HCN1: variants seen among roughly 807,000 people sequenced by gnomAD.
HCN1 encodes the protein hyperpolarization activated cyclic nucleotide gated potassium channel 1.
HCN1 carries 13 observed loss-of-function variants against 78.9 expected under a neutral mutation model. The observed-to-expected ratio is 0.16, with a 90% CI of 0.11 to 0.26. The LOEUF (loss-of-function observed/expected upper bound fraction) is 0.26, where lower values mean the gene tolerates loss of function less well. Ranked by LOEUF, HCN1 falls within the 10% of genes least tolerant of loss-of-function variation. HCN1 has a pLI of 1.00. For synonymous variants in HCN1, 552 were observed against 455.5 expected, an observed-to-expected ratio of 1.21 and a Z score of -2.70; for missense variants, 810 against 1,154.3, an observed-to-expected ratio of 0.70 and a Z score of 4.32.
chr5:45,348,754 C>G (rs985682390), intron 5 of HCN1, among the ~76,000 whole-genome samples: 3 of 152,034 alleles, frequency 2.0e-5, no homozygotes, highest in Non-Finnish European at 4.4e-5. Context: ...GTTAAACCAA[C>G]AAAGATCAAA....
At chr5:45,560,032 A>AT (rs945862241) in intron 2 of HCN1, 2 of 152,150 alleles carry the variant, frequency 1.3e-5, no homozygotes, top group African/African-American at 4.8e-5. Flanking sequence ...CCAATAAAGA[A>AT]TTTTTTAATT....
intron 5 of HCN1, among the ~76,000 whole-genome samples, chr5:45,319,688 G>A (rs897092471): frequency 6.7e-6 from 1 of 148,716 alleles, no homozygotes; most frequent in African/African-American, 2.5e-5. Flanking sequence ...TTGGTAATTT[G>A]TTTCCTGGTT....
At chr5:45,503,758 C>T (rs1482312874) in intron 2 of HCN1, among the ~76,000 whole-genome samples, 3 of 148,894 alleles carry the variant, frequency 2.0e-5, no homozygotes, top group African/African-American at 2.5e-5. Flanking sequence ...ATTCCCCCCT[C>T]CCCCCACGCC....
At chr5:45,285,376 C>T (rs193074537) in intron 6 of HCN1, among the ~76,000 whole-genome samples, 10 of 142,600 alleles carry the variant, frequency 7.0e-5, no homozygotes, top group South Asian at 6.9e-4. Flanking sequence ...ACATCCTCTG[C>T]GGCCTTTTCT....
intron 5 of HCN1, among the ~76,000 whole-genome samples, chr5:45,352,771 A>C (rs1209006210): frequency 1.3e-5 from 2 of 152,004 alleles, no homozygotes; most frequent in Non-Finnish European, 2.9e-5. Context: ...GATGGGAGGA[A>C]GAATAGGAAT....
intron 2 of HCN1, among the ~76,000 whole-genome samples, chr5:45,548,910 A>T (rs1743292249): frequency 6.6e-6 from 1 of 151,560 alleles, no homozygotes; most frequent in Non-Finnish European, 1.5e-5. Context: ...CTTCAAAGAG[A>T]ATAAAATACC....
At chr5:45,663,166 A>G (rs1261560650) in intron 1 of HCN1, among the ~76,000 whole-genome samples, 1 of 135,896 alleles carries the variant, frequency 7.4e-6, no homozygotes, top group African/African-American at 2.8e-5. Flanking sequence ...ATCTACAACT[A>G]TCTGATCTTT....
chr5:45,324,047 AT>A, intron 5 of HCN1, among the ~76,000 whole-genome samples: 1 of 151,720 alleles, frequency 6.6e-6, no homozygotes, highest in East Asian at 2.0e-4. Context: ...TTATAGCTGC[AT>A]GATTTATAAT....
At chr5:45,333,982 A>G (rs1172974872) in intron 5 of HCN1, among the ~76,000 whole-genome samples, 4 of 151,774 alleles carry the variant, frequency 2.6e-5, no homozygotes, top group Admixed American at 1.3e-4. Flanking sequence ...TTGACTTCTT[A>G]GTAATAATCA....
chr5:45,658,768 C>T (rs1381446948), intron 1 of HCN1, among the ~76,000 whole-genome samples: 6 of 152,052 alleles, frequency 3.9e-5, no homozygotes, highest in African/African-American at 9.7e-5. Context: ...CGGCGCACCA[C>T]GAGACTATAT....
At chr5:45,332,949 A>G (rs1039946388) in intron 5 of HCN1, among the ~76,000 whole-genome samples, 2 of 151,912 alleles carry the variant, frequency 1.3e-5, no homozygotes, top group Middle Eastern at 3.4e-3. Flanking sequence ...TGCAACAAAC[A>G]TGGAAGTGCA....
intron 4 of HCN1, among the ~76,000 whole-genome samples, chr5:45,374,127 T>C (rs1231583829): frequency 8.7e-6 from 1 of 114,908 alleles, no homozygotes; most frequent in South Asian, 2.3e-4. Flanking sequence ...ATATATATAA[T>C]ATATATTATA....
chr5:45,539,902 AT>A (rs1443649210), intron 2 of HCN1, among the ~76,000 whole-genome samples: 1 of 137,878 alleles, frequency 7.3e-6, no homozygotes, highest in Non-Finnish European at 1.5e-5. Context: ...AGGAAATCCC[AT>A]TGTTTTAAAT....
intron 2 of HCN1, among the ~76,000 whole-genome samples, chr5:45,583,930 A>T (rs1310991828): frequency 6.6e-6 from 1 of 152,086 alleles, no homozygotes. Flanking sequence ...ACATTTGTTG[A>T]GGAGTGCTTT....
Position 45,570,000 on chromosome 5 carries a change from C to T in HCN1, c.849+75185G>A, listed in dbSNP as rs146706874. On this transcript the variant is annotated intron_variant, in intron 2 of 7. Coordinates refer to ENST00000303230, the MANE Select transcript of HCN1 (RefSeq NM_021072.4). ...TCCAGACAGATTTGACTAAAAGCTACCAAATGACTGAAGTAAAAAATTTGT... is the reference window on the plus strand; with the variant it reads ...TCCAGACAGATTTGACTAAAAGCTATCAAATGACTGAAGTAAAAAATTTGT... Among the ~76,000 whole-genome samples, 266 of 152,100 alleles carry T rather than the reference C, an allele frequency of 1.7e-3. 2 individuals carry two copies. The highest frequency in any genetic ancestry group is 6.2e-3 in the African/African-American group (259 of 41,536).
intron 5 of HCN1, among the ~76,000 whole-genome samples, chr5:45,331,878 A>G (rs1225826416): frequency 6.6e-6 from 1 of 151,502 alleles, no homozygotes; most frequent in Non-Finnish European, 1.5e-5. Context: ...GTTGACATAC[A>G]TTATCTTACT....
intron 4 of HCN1, among the ~76,000 whole-genome samples, chr5:45,372,602 T>C (rs1747428524): frequency 8.5e-6 from 1 of 118,190 alleles, no homozygotes; most frequent in Admixed American, 9.3e-5. Flanking sequence ...TATAAAAATA[T>C]ATAAAACATT....
At chr5:45,490,538 C>A (rs1226357530) in intron 2 of HCN1, among the ~76,000 whole-genome samples, 2 of 152,114 alleles carry the variant, frequency 1.3e-5, no homozygotes, top group Non-Finnish European at 2.9e-5. Flanking sequence ...AAATGTGATG[C>A]CACAATTCCC....
At chr5:45,464,983 C>G (rs944472170) in intron 2 of HCN1, among the ~76,000 whole-genome samples, 2 of 152,082 alleles carry the variant, frequency 1.3e-5, no homozygotes, top group African/African-American at 4.8e-5. Context: ...CTTTATTCAC[C>G]TTACTAATCA....
Sources: gnomAD v4.1 joint callset for allele counts (sites outside exome capture counted in the v4.1 genomes callset) on GRCh38, gnomAD v4.1.1 for gene constraint, MANE v1.5 for transcripts, NCBI Gene and HGNC (gene_info 2026-07-23, HGNC 2026-07-21) for gene names.